LHPP: variants seen among roughly 807,000 people sequenced by gnomAD.
LHPP encodes hLHPP.
A neutral mutation model predicts 30.3 loss-of-function variants in LHPP; 24 were observed. The ratio of observed to expected loss-of-function variants is 0.79; its 90% confidence interval spans 0.57 to 1.11. The LOEUF (loss-of-function observed/expected upper bound fraction) is 1.11. Ranked by LOEUF, LHPP falls within the 50% of genes most tolerant of loss-of-function variation. LHPP has a pLI of 0.00. For synonymous variants in LHPP, 150 were observed against 157.1 expected, an observed-to-expected ratio of 0.95 and a Z score of 0.34; for missense variants, 356 against 367.2, an observed-to-expected ratio of 0.97 and a Z score of 0.25.
intron 6 of LHPP, among the ~76,000 whole-genome samples, chr10:124,529,741 TG>T (rs1214421276): frequency 6.6e-6 from 1 of 151,952 alleles, no homozygotes; most frequent in African/African-American, 2.4e-5. Context: ...CATGCAGAGA[TG>T]GCCTCATTTC....
At position 124,587,738 on chromosome 10, in the gene LHPP, T is replaced by TAA. The variant is rs747954796; in HGVS notation, c.717-25500_717-25499dup. 4.7e-3 allele frequency among the ~76,000 whole-genome samples: 248 copies of TAA among 52,972 alleles called. 16 individuals are homozygous for TAA. Among genetic ancestry groups the TAA allele is most frequent in the African/African-American group, 0.015 (223 of 14,920 alleles). 34.8% of individuals were successfully genotyped at this position (52,972 alleles called of 152,430 possible). A position where few individuals can be genotyped will look rare whatever the true frequency, so the allele number is the denominator to read the frequency against. Reference sequence around the variant, plus strand: ...CTGGGAGACACAGCCAGACTCCATCTAAAAAAAAAAAAAAAAAAAAAAAAA... The same window carrying TAA: ...CTGGGAGACACAGCCAGACTCCATCTAAAAAAAAAAAAAAAAAAAAAAAAAAA... On this transcript the variant is annotated intron_variant, in intron 6 of 6. Transcript: ENST00000368842.
chr10:124,526,336 G>A (rs1479063714), intron 6 of LHPP: 2 of 605,578 alleles, frequency 3.3e-6, no homozygotes, highest in Non-Finnish European at 4.1e-6. Flanking sequence ...CCCTGCAACA[G>A]CCCAGAGAAG....
rs551563164 is a variant in LHPP at position 124,501,689 on chromosome 10, A to G, written c.624+3561A>G. Among the ~76,000 whole-genome samples the G allele has an allele frequency of 5.9e-5, 9 of 151,874 alleles. No homozygotes were observed. In the South Asian group the frequency reaches 1.9e-3, roughly 32 times the overall value. On this transcript the variant is annotated intron_variant, in intron 5 of 6. Coordinates refer to ENST00000368842, the MANE Select transcript of LHPP (RefSeq NM_022126.4). ...GTTCTGAATGTGCTCGATGCCAGTG[A>G]ATTGAATACTCTGGTCACGGTCATA... is the stretch of plus-strand genomic sequence containing the variant.
intron 6 of LHPP, among the ~76,000 whole-genome samples, chr10:124,550,986 T>G (rs1441678821): frequency 6.6e-6 from 1 of 152,166 alleles, no homozygotes; most frequent in African/African-American, 2.4e-5. Flanking sequence ...GCCCAGCCCT[T>G]CCTAACCTTG....
chr10:124,574,569 C>T (rs1191573158), intron 6 of LHPP, among the ~76,000 whole-genome samples: 1 of 152,142 alleles, frequency 6.6e-6, no homozygotes, highest in African/African-American at 2.4e-5. Context: ...GGCACCTGTG[C>T]TGACCCAAGG....
chr10:124,551,888 C>T (rs1312015026), intron 6 of LHPP, among the ~76,000 whole-genome samples: 4 of 152,234 alleles, frequency 2.6e-5, no homozygotes, highest in East Asian at 1.9e-4. Context: ...TCCGCAGGCC[C>T]CCGGGTGGCA....
intron 6 of LHPP, among the ~76,000 whole-genome samples, chr10:124,604,770 C>T (rs1949070820): frequency 6.6e-6 from 1 of 152,268 alleles, no homozygotes; most frequent in Admixed American, 6.5e-5. Context: ...CAGCCGCCCC[C>T]TGCACCTGGC....
intron 5 of LHPP, among the ~76,000 whole-genome samples, chr10:124,501,001 A>G (rs1953881587): frequency 6.6e-6 from 1 of 151,946 alleles, no homozygotes; most frequent in South Asian, 2.1e-4. Flanking sequence ...AAGCCAAGAT[A>G]CCTGCCCATC....
At chr10:124,490,985 C>T (rs1259410480) in intron 3 of LHPP, among the ~76,000 whole-genome samples, 1 of 150,564 alleles carries the variant, frequency 6.6e-6, no homozygotes, top group African/African-American at 2.5e-5. Context: ...GCCTAGAGTT[C>T]TGGAATCACA....
chr10:124,558,363 G>T (rs74160930), intron 6 of LHPP, among the ~76,000 whole-genome samples: 1,592 of 152,336 alleles, frequency 0.01, 21 homozygotes, highest in African/African-American at 0.037. Context: ...CAGCCCTTAC[G>T]AGAATCCCAC....
intron 5 of LHPP, among the ~76,000 whole-genome samples, chr10:124,501,094 A>G (rs1054658319): frequency 6.6e-6 from 1 of 152,044 alleles, no homozygotes; most frequent in Non-Finnish European, 1.5e-5. Flanking sequence ...GTTCTGACAC[A>G]TGCTACAGTG....
chr10:124,480,719 A>T lies in LHPP; in HGVS notation c.126-3420A>T, dbSNP rs118031598. On this transcript the variant is annotated intron_variant, in intron 1 of 6. Coordinates refer to ENST00000368842, the MANE Select transcript of LHPP (RefSeq NM_022126.4). The stretch of plus-strand genomic sequence containing the variant: ...TCTTTATGAAGGGCAATTAACCACT[A>T]AGTGTAATTGATAATTCATAAACCT... Among the ~76,000 whole-genome samples, 691 of 152,348 alleles carry T rather than the reference A, an allele frequency of 4.5e-3. 28 individuals carry two copies. In the South Asian group the frequency reaches 0.11, roughly 25 times the overall value.
chr10:124,483,637 A>G lies in LHPP; in HGVS notation c.126-502A>G, dbSNP rs182271278. ...CCAGGTATGATGGCAGGCGCCTGTA[A>G]TCCCAGCTGCTCTGGAGGCTGAGGC... On this transcript the variant is annotated intron_variant, in intron 1 of 6. Transcript: ENST00000368842. Among the ~76,000 whole-genome samples, 332 of 152,272 alleles carry G rather than the reference A, an allele frequency of 2.2e-3. 1 individual carries two copies. Among genetic ancestry groups the G allele is most frequent in the African/African-American group, 7.8e-3 (323 of 41,544 alleles).
At chr10:124,557,449 C>T (rs763867330) in intron 6 of LHPP, among the ~76,000 whole-genome samples, 1 of 152,224 alleles carries the variant, frequency 6.6e-6, no homozygotes, top group African/African-American at 2.4e-5. Flanking sequence ...AAAGGGAACT[C>T]GGGCGCACTA....
intron 1 of LHPP, among the ~76,000 whole-genome samples, chr10:124,472,332 G>A (rs1408853337): frequency 6.6e-6 from 1 of 152,130 alleles, no homozygotes; most frequent in Non-Finnish European, 1.5e-5. Context: ...GTTGAGGTCT[G>A]CAGCAGTGAA....
Position 124,461,883 on chromosome 10 carries a change from G to A in LHPP, c.21G>A (p.Arg7=), listed in dbSNP as rs1023216754. ...GCGCCATGGCACCGTGGGGCAAGCG[G>A]CTGGCTGGCGTGCGCGGGGTGCTGC... MAPWGK[R]LAGVRGVLLD... is the part of the protein sequence containing the mutation. Residue 7 remains arginine (R), a synonymous_variant, in exon 1 of 7, where the codon CGG becomes CGA. Coordinates refer to ENST00000368842, the MANE Select transcript of LHPP (RefSeq NM_022126.4). The A allele has an allele frequency of 1.6e-6, 2 of 1,256,918 alleles. No individual in the cohort carries two copies. Among genetic ancestry groups the A allele is most frequent in the Non-Finnish European group, 2.0e-6 (2 of 997,642 alleles). The allele number at this position is 1,256,918 out of a possible 1,614,324, so 77.9% of individuals were successfully genotyped here. A position where few individuals can be genotyped will look rare whatever the true frequency, so the allele number is the denominator to read the frequency against.
intron 6 of LHPP, among the ~76,000 whole-genome samples, chr10:124,545,005 C>T (rs1196031247): frequency 6.6e-6 from 1 of 152,132 alleles, no homozygotes; most frequent in Non-Finnish European, 1.5e-5. Context: ...CTGTCTCTGC[C>T]CCACTCTGAG....
At chr10:124,579,622 T>G (rs1374276849) in intron 6 of LHPP, among the ~76,000 whole-genome samples, 1 of 152,220 alleles carries the variant, frequency 6.6e-6, no homozygotes, top group African/African-American at 2.4e-5. Context: ...TCAGAGCATT[T>G]TTCTCCAAAC....
intron 6 of LHPP, among the ~76,000 whole-genome samples, chr10:124,574,653 G>A (rs1948635058): frequency 6.6e-6 from 1 of 152,214 alleles, no homozygotes; most frequent in Non-Finnish European, 1.5e-5. Context: ...CTGGAATGGT[G>A]CTGGAGGAGG....
Sources: allele counts gnomAD v4.1 joint callset (sites outside exome capture counted in the v4.1 genomes callset), GRCh38; gene constraint gnomAD v4.1.1; transcripts MANE v1.5; gene names NCBI Gene and HGNC (gene_info 2026-07-23, HGNC 2026-07-21).